Variants in CPNE4 observed in about 807,000 individuals in gnomAD.
CPNE4 encodes copine 4, also known as copine-4.
CPNE4 carries 25 observed loss-of-function variants against 67.9 expected under a neutral mutation model. That is an observed-to-expected ratio of 0.37 (90% CI 0.27 to 0.51). CPNE4 has a LOEUF of 0.51. CPNE4 is among the 20% of genes least tolerant of loss of function. The pLI is 0.93. For synonymous variants in CPNE4, 242 were observed against 244.9 expected (o/e 0.99, Z 0.11); for missense variants, 464 against 690.8 (o/e 0.67, Z 3.68).
At chr3:131,821,024 TA>T in intron 2 of CPNE4, among the ~76,000 whole-genome samples, 1 of 152,316 alleles carries the variant, frequency 6.6e-6, no homozygotes, top group East Asian at 1.9e-4. Context: ...CCAACTCACT[TA>T]ACCTTTATGC....
chr3:131,968,136 G>A (rs184065992), intron 1 of CPNE4, among the ~76,000 whole-genome samples: 245 of 152,250 alleles, frequency 1.6e-3, no homozygotes, highest in Non-Finnish European at 2.6e-3. Context: ...AAATGGTATT[G>A]GGAAAACTGG....
intron 2 of CPNE4, among the ~76,000 whole-genome samples, chr3:131,791,852 C>G (rs2083732178): frequency 6.6e-6 from 1 of 152,140 alleles, no homozygotes. Context: ...TGGGAAGCCC[C>G]AACCCCACGG....
chr3:131,843,328 G>A (rs562568369), intron 2 of CPNE4, among the ~76,000 whole-genome samples: 1 of 152,242 alleles, frequency 6.6e-6, no homozygotes, highest in South Asian at 2.1e-4. Context: ...TATTTGAATT[G>A]TGCATGCTTC....
At chr3:131,905,230 C>T in intron 2 of CPNE4, 34 bp downstream of exon 2, 1 of 1,554,234 alleles carries the variant, frequency 6.4e-7, no homozygotes, top group Non-Finnish European at 8.8e-7. Context: ...AATCATCCAG[C>T]CATGGTTCTG....
At chr3:131,823,362 C>T (rs2085035291) in intron 2 of CPNE4, among the ~76,000 whole-genome samples, 1 of 152,212 alleles carries the variant, frequency 6.6e-6, no homozygotes, top group African/African-American at 2.4e-5. Context: ...CTGTATTTGA[C>T]ACTGACTGCA....
At chr3:131,836,765 C>G (rs1210119170) in intron 2 of CPNE4, among the ~76,000 whole-genome samples, 2 of 152,094 alleles carry the variant, frequency 1.3e-5, no homozygotes, top group African/African-American at 4.8e-5. Context: ...GCTAAAGGCA[C>G]TGTTATGAGA....
chr3:131,927,376 T>C (rs944306165), intron 1 of CPNE4, among the ~76,000 whole-genome samples: 2 of 152,120 alleles, frequency 1.3e-5, no homozygotes, highest in Admixed American at 1.3e-4. Context: ...CTCCCTAATA[T>C]AGCACACAGA....
At chr3:132,015,608 A>C (rs764189114) in intron 1 of CPNE4, among the ~76,000 whole-genome samples, 4 of 152,224 alleles carry the variant, frequency 2.6e-5, no homozygotes, top group African/African-American at 4.8e-5. Flanking sequence ...CAATTAAGAA[A>C]TGTGTATCCT....
chr3:131,979,617 C>T (rs573191226), intron 1 of CPNE4, among the ~76,000 whole-genome samples: 2 of 152,236 alleles, frequency 1.3e-5, no homozygotes, highest in Admixed American at 6.5e-5. Flanking sequence ...ATGGTTGGTT[C>T]GTGACTTTTT....
intron 7 of CPNE4, among the ~76,000 whole-genome samples, chr3:131,617,719 C>T (rs984731462): frequency 6.6e-6 from 1 of 152,174 alleles, no homozygotes; most frequent in Non-Finnish European, 1.5e-5. Flanking sequence ...AGGAATTCTC[C>T]TCAAATTAAG....
At chr3:131,965,070 C>T (rs538567430) in intron 1 of CPNE4, among the ~76,000 whole-genome samples, 36 of 152,258 alleles carry the variant, frequency 2.4e-4, no homozygotes, top group African/African-American at 7.5e-4. Flanking sequence ...GGCCAATATT[C>T]AACATTCTTA....
intron 11 of CPNE4, 42 bp downstream of exon 11, chr3:131,564,174 C>A (rs1936937559): frequency 1.2e-6 from 2 of 1,611,494 alleles, no homozygotes; most frequent in East Asian, 2.2e-5. Context: ...TCTGAACCCA[C>A]ATGAGAGATG....
intron 2 of CPNE4, among the ~76,000 whole-genome samples, chr3:131,802,808 G>C (rs1302862444): frequency 6.6e-6 from 1 of 152,174 alleles, no homozygotes; most frequent in East Asian, 1.9e-4. Flanking sequence ...TATGGACATA[G>C]AGAAAGATGC....
At chr3:131,876,446 T>A (rs573061509) in intron 2 of CPNE4, among the ~76,000 whole-genome samples, 1 of 151,246 alleles carries the variant, frequency 6.6e-6, no homozygotes, top group African/African-American at 2.4e-5. Context: ...ATCGAGACCA[T>A]CCTGGCTAAC....
At chr3:131,818,912 C>T (rs543993881) in intron 2 of CPNE4, among the ~76,000 whole-genome samples, 33 of 152,126 alleles carry the variant, frequency 2.2e-4, no homozygotes, top group African/African-American at 7.2e-4. Context: ...CCAGCCTGGC[C>T]GACATGGTGA....
chr3:131,656,512 T>C (rs890455503), intron 7 of CPNE4, among the ~76,000 whole-genome samples: 1 of 152,232 alleles, frequency 6.6e-6, no homozygotes, highest in Non-Finnish European at 1.5e-5. Flanking sequence ...CGAGCTAATG[T>C]AACTATGGGC....
intron 2 of CPNE4, among the ~76,000 whole-genome samples, chr3:131,740,692 T>G (rs990227789): frequency 2.6e-5 from 4 of 152,204 alleles, no homozygotes; most frequent in African/African-American, 7.2e-5. Context: ...TAAACTAGTC[T>G]CAATGCAGAA....
intron 8 of CPNE4, among the ~76,000 whole-genome samples, chr3:131,583,048 A>G (rs1302082980): frequency 6.6e-6 from 1 of 152,230 alleles, no homozygotes; most frequent in Admixed American, 6.5e-5. Context: ...GCAACTACAT[A>G]GGATTTGGAA....
At position 131,581,655 on chromosome 3, in the gene CPNE4, TC is replaced by T; in HGVS notation, c.790del (p.Glu264SerfsTer20). The T allele has an allele frequency of 6.2e-7, 1 of 1,610,964 alleles. No individual in the cohort carries two copies. On this transcript the variant is annotated frameshift_variant, in exon 9 of 16. Transcript: ENST00000429747. LOFTEE classifies it high-confidence loss of function. ...GGCTTTGTACTTGGGATTGATGCAC[TC>T]CCACTGCACCTGAAAGAAGGGTCAT... is the stretch of plus-strand genomic sequence containing the variant. The part of the protein sequence containing the change: ...GAMEGKQVQW[E>X]CINPKYKAKK...
Sources: allele counts gnomAD v4.1 joint callset (sites outside exome capture counted in the v4.1 genomes callset), GRCh38; gene constraint gnomAD v4.1.1; transcripts MANE v1.5; gene names NCBI Gene and HGNC (gene_info 2026-07-23, HGNC 2026-07-21).